Variants in SOX6 observed in about 807,000 individuals in gnomAD.
The protein encoded by SOX6 is transcription factor SOX-6.
Under a neutral mutation model 97.8 loss-of-function variants are expected in SOX6, and 11 were observed. The ratio of observed to expected loss-of-function variants is 0.11; its 90% CI spans 0.07 to 0.19. The LOEUF is 0.19. SOX6 is among the 10% of genes least tolerant of loss of function. The pLI is 1.00. For missense variants in SOX6, 810 were observed against 1,039.5 expected (o/e 0.78, Z 3.04); for synonymous variants, 360 against 371.4 (o/e 0.97, Z 0.35).
chr11:16,654,909 A>C (rs1241289155), intron 3 of SOX6, among the ~76,000 whole-genome samples: 2 of 152,178 alleles, frequency 1.3e-5, no homozygotes, highest in African/African-American at 2.4e-5. Flanking sequence ...GGCCTTATTC[A>C]TATCTGTCCA....
intron 6 of SOX6, among the ~76,000 whole-genome samples, chr11:16,117,297 G>A (rs1227356439): frequency 1.3e-5 from 2 of 150,482 alleles, no homozygotes; most frequent in East Asian, 2.0e-4. Flanking sequence ...AGGTTGCAGT[G>A]AGCCGAGATC....
At chr11:16,394,411 T>A (rs1423589197) in intron 1 of SOX6, among the ~76,000 whole-genome samples, 1 of 151,894 alleles carries the variant, frequency 6.6e-6, no homozygotes, top group African/African-American at 2.4e-5. Flanking sequence ...AATCCTCTTT[T>A]TTATCTCCTT....
intron 4 of SOX6, among the ~76,000 whole-genome samples, chr11:16,214,524 C>A (rs1852315165): frequency 6.6e-6 from 1 of 152,108 alleles, no homozygotes; most frequent in East Asian, 1.9e-4. Context: ...ATTCTTGGAC[C>A]TCTCTGATCC....
intron 2 of SOX6, among the ~76,000 whole-genome samples, chr11:16,734,043 A>G (rs1010018671): frequency 5.9e-5 from 9 of 151,890 alleles, no homozygotes; most frequent in Admixed American, 2.6e-4. Flanking sequence ...AAAAAAAAAA[A>G]AAGAAGATAT....
intron 15 of SOX6, among the ~76,000 whole-genome samples, chr11:15,985,953 A>G (rs1853820937): frequency 6.6e-6 from 1 of 152,146 alleles, no homozygotes; most frequent in Non-Finnish European, 1.5e-5. Flanking sequence ...AGCATCTTAA[A>G]TTGGCTTGGG....
chr11:16,514,365 G>A (rs1006301774), intron 4 of SOX6, among the ~76,000 whole-genome samples: 7 of 152,020 alleles, frequency 4.6e-5, no homozygotes, highest in African/African-American at 1.2e-4. Context: ...AAAGAAAACT[G>A]GTAAAAGCAG....
intron 4 of SOX6, among the ~76,000 whole-genome samples, chr11:16,545,203 G>A (rs1288207229): frequency 6.6e-6 from 1 of 151,952 alleles, no homozygotes; most frequent in Non-Finnish European, 1.5e-5. Flanking sequence ...AAAAAGAAAT[G>A]AATAGGCCAT....
In SOX6 at chr11:16,162,777, T is replaced by C. The variant is rs536040486; in HGVS notation, c.777+21109A>G. Among the ~76,000 whole-genome samples, 11 of 152,338 alleles carry C rather than the reference T, an allele frequency of 7.2e-5. No homozygotes were observed. The South Asian group carries it at 2.3e-3, about 32-fold the overall frequency. ...TACCCCTTAAACAGATGATAGTCCA[T>C]CTTTAACAGCCTTGGTTTTCTTAAG... On this transcript the variant is annotated intron_variant, in intron 6 of 15. Coordinates refer to ENST00000683767, the MANE Select transcript of SOX6 (RefSeq NM_001367873.1).
chr11:16,397,896 G>A (rs191930442), intron 1 of SOX6, among the ~76,000 whole-genome samples: 12 of 151,630 alleles, frequency 7.9e-5, no homozygotes, highest in Admixed American at 7.9e-4. Flanking sequence ...TTTCTTATAT[G>A]CAGATAAACA....
At chr11:16,253,450 T>C (rs1853579685) in intron 3 of SOX6, among the ~76,000 whole-genome samples, 1 of 152,000 alleles carries the variant, frequency 6.6e-6, no homozygotes, top group Admixed American at 6.6e-5. Flanking sequence ...AAATATATAA[T>C]TAATATGGCT....
At chr11:16,529,616 C>T (rs1861212329) in intron 4 of SOX6, among the ~76,000 whole-genome samples, 1 of 152,052 alleles carries the variant, frequency 6.6e-6, no homozygotes, top group African/African-American at 2.4e-5. Flanking sequence ...AATAAATAAG[C>T]TATATTTACC....
At chr11:16,194,413 C>G (rs542341498) in intron 4 of SOX6, among the ~76,000 whole-genome samples, 1 of 152,222 alleles carries the variant, frequency 6.6e-6, no homozygotes, top group African/African-American at 2.4e-5. Flanking sequence ...ACTGTCCATT[C>G]CTCAGTAAAT....
chr11:16,553,963 G>C (rs1421866484), intron 4 of SOX6, among the ~76,000 whole-genome samples: 1 of 152,096 alleles, frequency 6.6e-6, no homozygotes, highest in Non-Finnish European at 1.5e-5. Context: ...TATTTGAAGT[G>C]TCTTAGGATG....
rs144877174 is a variant in SOX6, at chr11:16,423,431, C to T, written c.-5+52884G>A. Among the ~76,000 whole-genome samples, 27 of 152,180 alleles carry T rather than the reference C, an allele frequency of 1.8e-4. No homozygotes were observed. In the South Asian group the frequency reaches 2.1e-3, roughly 12 times the overall value. On this transcript the variant is annotated intron_variant, in intron 1 of 15. Transcript: ENST00000396356. Reference sequence around the variant, plus strand: ...TGATGAGAAAATAAGATCCTTGTGACGTTATTTTTGTCTGTTTTGTTTCAC... The same window carrying T: ...TGATGAGAAAATAAGATCCTTGTGATGTTATTTTTGTCTGTTTTGTTTCAC...
chr11:16,032,794 A>G (rs1855412746), intron 12 of SOX6, among the ~76,000 whole-genome samples: 1 of 151,974 alleles, frequency 6.6e-6, no homozygotes, highest in African/African-American at 2.4e-5. Flanking sequence ...TATTCCCCAT[A>G]TGCAGACACA....
chr11:16,100,269 C>A (rs1053971227), intron 7 of SOX6, among the ~76,000 whole-genome samples: 1 of 151,584 alleles, frequency 6.6e-6, no homozygotes, highest in African/African-American at 2.4e-5. Flanking sequence ...TTCATGAGGA[C>A]CCATTCTTTT....
intron 4 of SOX6, among the ~76,000 whole-genome samples, chr11:16,585,802 C>A (rs1848085973): frequency 1.3e-5 from 2 of 150,704 alleles, no homozygotes; most frequent in South Asian, 4.2e-4. Flanking sequence ...CCCACTTCAA[C>A]CTCCAGAATA....
chr11:16,319,805 G>A (rs565431087), intron 2 of SOX6, among the ~76,000 whole-genome samples: 22 of 151,558 alleles, frequency 1.5e-4, no homozygotes, highest in Middle Eastern at 3.4e-3. Context: ...ATAAACATAC[G>A]TGTTAATGTG....
At chr11:16,433,827 T>A (rs1859317896) in intron 1 of SOX6, among the ~76,000 whole-genome samples, 1 of 152,096 alleles carries the variant, frequency 6.6e-6, no homozygotes, top group Non-Finnish European at 1.5e-5. Flanking sequence ...ATACAGTTTA[T>A]AAACTATTAA....
Sources: allele counts gnomAD v4.1 joint callset (sites outside exome capture counted in the v4.1 genomes callset), GRCh38; gene constraint gnomAD v4.1.1; transcripts MANE v1.5; gene names NCBI Gene and HGNC (gene_info 2026-07-23, HGNC 2026-07-21).